The following CNBD1 variants were observed in gnomAD, a reference collection of about 807,000 sequenced individuals.
CNBD1 encodes the protein cyclic nucleotide-binding domain-containing protein 1.
A neutral mutation model predicts 54.4 loss-of-function variants in CNBD1; 71 were observed. The observed-to-expected ratio is 1.30, with a 90% CI of 1.08 to 1.59. The LOEUF is 1.59. CNBD1 is among the 40% of genes most tolerant of loss of function. The probability of loss-of-function intolerance (pLI) is 0.00; values close to 1 mark genes in which losing one functional copy is unlikely to be tolerated. For missense variants in CNBD1, 659 were observed against 518.0 expected, an observed-to-expected ratio of 1.27 and a Z score of -2.64; for synonymous variants, 182 against 170.7, an observed-to-expected ratio of 1.07 and a Z score of -0.51.
intron 4 of CNBD1, among the ~76,000 whole-genome samples, chr8:87,170,285 A>T (rs1455542230): frequency 6.6e-6 from 1 of 151,964 alleles, no homozygotes; most frequent in Admixed American, 6.6e-5. Flanking sequence ...AAATTTGTTT[A>T]TCAGTTCTAA....
intron 4 of CNBD1, among the ~76,000 whole-genome samples, chr8:87,010,556 T>C (rs539126059): frequency 6.6e-6 from 1 of 152,262 alleles, no homozygotes; most frequent in South Asian, 2.1e-4. Flanking sequence ...AAGACTAGAC[T>C]TGCCAACATG....
chr8:87,025,944 G>A (rs2130584814), intron 4 of CNBD1, among the ~76,000 whole-genome samples: 1 of 152,268 alleles, frequency 6.6e-6, no homozygotes, highest in Middle Eastern at 3.4e-3. Flanking sequence ...GTTCAACTCT[G>A]TGAGCTCATG....
chr8:87,124,666 C>A (rs1811956879), intron 4 of CNBD1, among the ~76,000 whole-genome samples: 1 of 151,630 alleles, frequency 6.6e-6, no homozygotes, highest in Admixed American at 6.6e-5. Context: ...CCAATAAAGG[C>A]CATATATGAC....
At chr8:87,405,912 C>T (rs1807643678) in intron 2 of CNBD1, among the ~76,000 whole-genome samples, 1 of 152,112 alleles carries the variant, frequency 6.6e-6, no homozygotes, top group Admixed American at 6.6e-5. Flanking sequence ...CTGCCAAACA[C>T]TAAGCATCTG....
chr8:87,230,334 A>T (rs1440415572), intron 5 of CNBD1, among the ~76,000 whole-genome samples: 1 of 152,180 alleles, frequency 6.6e-6, no homozygotes, highest in African/African-American at 2.4e-5. Flanking sequence ...ATCGAATGGT[A>T]AGAATTATTT....
chr8:87,161,276 TA>T (rs1812851976), intron 4 of CNBD1, among the ~76,000 whole-genome samples: 1 of 152,072 alleles, frequency 6.6e-6, no homozygotes, highest in Non-Finnish European at 1.5e-5. Context: ...TTTATGCATA[TA>T]ATATGGAAGT....
intron 6 of CNBD1, among the ~76,000 whole-genome samples, chr8:87,255,287 G>A (rs1162074761): frequency 7.2e-5 from 11 of 152,080 alleles, no homozygotes; most frequent in Admixed American, 7.2e-4. Flanking sequence ...AAGAACCACA[G>A]GAAACAAGAT....
At chr8:87,091,565 T>A (rs893307161) in intron 4 of CNBD1, among the ~76,000 whole-genome samples, 1 of 152,228 alleles carries the variant, frequency 6.6e-6, no homozygotes, top group Admixed American at 6.5e-5. Context: ...AGTCTTTTTC[T>A]ATAATCCATG....
chr8:87,213,728 C>G (rs1055628053), intron 5 of CNBD1, among the ~76,000 whole-genome samples: 1 of 152,182 alleles, frequency 6.6e-6, no homozygotes, highest in Non-Finnish European at 1.5e-5. Flanking sequence ...CATGTCCTCA[C>G]TTTTCAAAAC....
chr8:87,415,728 C>A lies in CNBD1; in HGVS notation c.214-12818C>A, dbSNP rs763395244. ...AAACTTCAAGAATTGAGAATTGTTT[C>A]CTTTCATAAAGGACTATGTTATTTA... On this transcript the variant is annotated intron_variant, in intron 2 of 7. Coordinates refer to the CNBD1 transcript ENST00000521593. Among the ~76,000 whole-genome samples the A allele has an allele frequency of 7.3e-5, 11 of 151,666 alleles. No homozygotes were observed. In the South Asian group the frequency reaches 1.0e-3, roughly 14 times the overall value.
chr8:86,979,627 A>G (rs1563845833), intron 4 of CNBD1, among the ~76,000 whole-genome samples: 1 of 152,100 alleles, frequency 6.6e-6, no homozygotes, highest in Non-Finnish European at 1.5e-5. Flanking sequence ...GTAATTCCAA[A>G]TGATTTCTCT....
intron 2 of CNBD1, among the ~76,000 whole-genome samples, chr8:86,903,356 T>A (rs568254571): frequency 4.1e-4 from 63 of 152,274 alleles, no homozygotes; most frequent in Admixed American, 9.2e-4. Flanking sequence ...CCAAAGATGA[T>A]CTATCCAGAG....
chr8:87,087,491 T>A (rs1037964679), intron 4 of CNBD1, among the ~76,000 whole-genome samples: 13 of 139,556 alleles, frequency 9.3e-5, no homozygotes, highest in African/African-American at 3.3e-4. Context: ...TGAGTTGGAG[T>A]CTCACTCTGT....
At chr8:86,932,245 A>C (rs1250615503) in intron 3 of CNBD1, among the ~76,000 whole-genome samples, 2 of 152,292 alleles carry the variant, frequency 1.3e-5, no homozygotes, top group East Asian at 3.9e-4. Flanking sequence ...GGATTATCTG[A>C]AAACTTCCCC....
intron 6 of CNBD1, among the ~76,000 whole-genome samples, chr8:87,267,409 T>G (rs1474863455): frequency 6.6e-6 from 1 of 152,134 alleles, no homozygotes; most frequent in Non-Finnish European, 1.5e-5. Flanking sequence ...TGTGAAGAAA[T>G]AAACATTGGA....
intron 4 of CNBD1, among the ~76,000 whole-genome samples, chr8:87,020,091 C>A (rs1480597155): frequency 6.6e-6 from 1 of 152,010 alleles, no homozygotes; most frequent in Non-Finnish European, 1.5e-5. Flanking sequence ...GATGCCCAAA[C>A]CTTCACTATC....
At chr8:87,411,428 T>TATATATATATATATA (rs1807745518) in intron 2 of CNBD1, among the ~76,000 whole-genome samples, 1 of 48,712 alleles carries the variant, frequency 2.1e-5, no homozygotes, top group African/African-American at 9.6e-5. Flanking sequence ...ATATATATAT[T>TATATATATATATATA]TCATTCACAC....
At chr8:87,183,385 G>GTTTTTT (rs3056356) in intron 4 of CNBD1, among the ~76,000 whole-genome samples, 3 of 118,432 alleles carry the variant, frequency 2.5e-5, no homozygotes, top group Non-Finnish European at 3.5e-5. Context: ...TGCGCTGTTT[G>GTTTTTT]TTTTTTTTTT....
At chr8:87,400,881 G>A (rs539808816) in intron 2 of CNBD1, among the ~76,000 whole-genome samples, 16 of 152,054 alleles carry the variant, frequency 1.1e-4, no homozygotes, top group Admixed American at 6.6e-4. Context: ...TTTGTTGCCA[G>A]CCCCTGAAAT....
Sources: allele counts gnomAD v4.1 joint callset (sites outside exome capture counted in the v4.1 genomes callset), GRCh38; gene constraint gnomAD v4.1.1; transcripts MANE v1.5; gene names NCBI Gene and HGNC (gene_info 2026-07-23, HGNC 2026-07-21).